The following WDR93 variants were observed in gnomAD, a reference collection of about 807,000 sequenced individuals.
WDR93 encodes the protein WD repeat-containing protein 93.
In WDR93, 73 loss-of-function variants were observed where a neutral mutation model predicts 82.9. The ratio of observed to expected loss-of-function variants is 0.88; its 90% CI spans 0.73 to 1.07. The LOEUF is 1.07. Ranked by LOEUF, WDR93 falls within the 50% of genes least tolerant of loss-of-function variation. WDR93 has a pLI of 0.00. For missense variants in WDR93, 738 were observed against 826.0 expected (o/e 0.89, Z 1.31); for synonymous variants, 283 against 300.1 (o/e 0.94, Z 0.59).
intron 2 of WDR93, 129 bp downstream of exon 2, chr15:89,702,178 T>A: frequency 9.4e-7 from 1 of 1,060,854 alleles, no homozygotes; most frequent in Non-Finnish European, 1.3e-6. Flanking sequence ...TTTGAAAGAT[T>A]AGAAGCATGC....
intron 5 of WDR93, among the ~76,000 whole-genome samples, chr15:89,713,468 G>A (rs1055371623): frequency 7.7e-6 from 1 of 129,174 alleles, no homozygotes; most frequent in Non-Finnish European, 1.7e-5. Flanking sequence ...AGGAACATAT[G>A]CATTTTATTT....
intron 16 of WDR93, among the ~76,000 whole-genome samples, chr15:89,740,378 A>G (rs1468517924): frequency 6.6e-6 from 1 of 152,198 alleles, no homozygotes; most frequent in Admixed American, 6.5e-5. Flanking sequence ...CAGGAGACGA[A>G]TATGGTCTCA....
chr15:89,696,555 T>C (rs150137423), intron 1 of WDR93, among the ~76,000 whole-genome samples: 2,393 of 152,204 alleles, frequency 0.016, 65 homozygotes, highest in African/African-American at 0.055. Context: ...AGTACAGTGG[T>C]GTGATCATGG....
intron 3 of WDR93, chr15:89,704,577 C>T (rs1023085968): frequency 6.6e-6 from 1 of 152,122 alleles, no homozygotes; most frequent in Non-Finnish European, 1.5e-5. Flanking sequence ...AATGCCTCCC[C>T]CTTTGTGCCT....
At position 89,733,096 on chromosome 15, in the gene WDR93, ATATG is replaced by A. The variant is rs747273174; in HGVS notation, c.1425_1428del (p.Met475IlefsTer6). The A allele has an allele frequency of 6.2e-7, 1 of 1,614,186 alleles. No individual in the cohort carries two copies. Among genetic ancestry groups the A allele is most frequent in the South Asian group, 1.1e-5 (1 of 91,080 alleles). On this transcript the variant is annotated frameshift_variant, in exon 13 of 17. Coordinates refer to ENST00000268130, the MANE Select transcript of WDR93 (RefSeq NM_020212.2). LOFTEE classifies it high-confidence loss of function. ...TATTTCTCGGTCCACAAAGGACAGA[ATATG>A]TATCCTGAAGGTCAAGTGAAATCCC...
Position 89,733,016 on chromosome 15 carries a change from T to C in WDR93, c.1341T>C (p.Leu447=). The change falls in exon 13 of 17, where the codon CTT becomes CTC. Residue 447 remains leucine (L), a synonymous_variant. Transcript: ENST00000268130. ...GATTACTTTCTCTAGGATTCCCTCT[T>C]GGGGTCGCTGCTCTTCCTCAGGGAT... ...TLWDLAKGFP[L]GVAALPQGCF... is the part of the protein sequence containing the mutation. The C allele has an allele frequency of 1.9e-6, 3 of 1,614,132 alleles. No homozygotes were observed. The African/African-American group carries it at 4.0e-5, about 22-fold the overall frequency.
intron 7 of WDR93, 113 bp from the exon 8 acceptor site, chr15:89,721,942 C>T: frequency 2.8e-6 from 2 of 705,364 alleles, no homozygotes; most frequent in South Asian, 1.8e-5. Context: ...TCTATTTGTC[C>T]TCTTATTTTT....
chr15:89,714,048 A>G (rs1222900753), intron 5 of WDR93, among the ~76,000 whole-genome samples: 1 of 152,204 alleles, frequency 6.6e-6, no homozygotes. Flanking sequence ...TGTTTCTTTG[A>G]CAAGATAAAG....
intron 6 of WDR93, 103 bp from the exon 7 acceptor site, chr15:89,716,808 C>A: frequency 1.2e-6 from 1 of 836,186 alleles, no homozygotes; most frequent in Non-Finnish European, 1.9e-6. Context: ...TGAATTCACT[C>A]ACAAGAGTAA....
chr15:89,733,346 A>G, intron 13 of WDR93, 127 bp downstream of exon 13: 1 of 860,758 alleles, frequency 1.2e-6, no homozygotes, highest in Non-Finnish European at 1.7e-6. Context: ...TCTCCTGGTG[A>G]GCTTCTGAAG....
In WDR93 at chr15:89,740,346, G is replaced by A. The variant is rs1382508971; in HGVS notation, c.1961+2110G>A. On this transcript the variant is annotated intron_variant, in intron 16 of 16. Transcript: ENST00000268130. The stretch of plus-strand genomic sequence containing the variant: ...CGCTGGGAGGCTCTCGGTACCTCCC[G>A]GAGGGAAATGTGCCTATTCGTCAGG... 6.6e-5 allele frequency among the ~76,000 whole-genome samples: 10 copies of A among 152,304 alleles called. No individual in the cohort carries two copies. The East Asian group carries it at 1.2e-3, about 18-fold the overall frequency.
chr15:89,702,799 A>C (rs1196239327), intron 2 of WDR93, 151 bp from the exon 3 acceptor site: 3 of 866,010 alleles, frequency 3.5e-6, no homozygotes. Flanking sequence ...TCGGCCTCCC[A>C]AAGTGCTGGG....
chr15:89,736,159 G>A (rs914431796), intron 14 of WDR93, among the ~76,000 whole-genome samples: 1 of 152,232 alleles, frequency 6.6e-6, no homozygotes, highest in Non-Finnish European at 1.5e-5. Context: ...CAGGGATGGA[G>A]AGTTGAGAGA....
At position 89,743,349 on chromosome 15, in the gene WDR93, G is replaced by C; in HGVS notation, c.2019G>C (p.Gln673His). 6.2e-7 allele frequency: 1 copy of C among 1,614,214 alleles called. No homozygotes were observed. Among genetic ancestry groups the C allele is most frequent in the Non-Finnish European group, 8.5e-7 (1 of 1,180,040 alleles). Reference protein sequence around the residue: ...EKEEEHWARLQRYSLSLQREN... With the variant: ...EKEEEHWARLHRYSLSLQREN... ...AGGAGGAGCACTGGGCCCGGCTTCA[G>C]AGGTACTCCTTGTCGCTCCAGAGAG... Residue 673 changes from glutamine to histidine, a missense_variant, in exon 17 of 17, where the codon CAG (glutamine) becomes CAC (histidine). Transcript: ENST00000268130.
In WDR93 at chr15:89,716,920, G is replaced by C. The variant is rs1290006638; in HGVS notation, c.766G>C (p.Gly256Arg). ...TCATTTTTCTTCTCAGAACTCCCTT[G>C]GTCCCATTTCTGCAGATCCTTTAGA... is the stretch of plus-strand genomic sequence containing the variant. Reference protein sequence around the residue: ...KVRQPQLNSLGPISADPLEMD... With the variant: ...KVRQPQLNSLRPISADPLEMD... The change falls in exon 7 of 17, where the codon GGT becomes CGT. Residue 256 changes from glycine (G) to arginine (R), a missense_variant. By Grantham distance (125) the Gly-to-Arg change is moderately radical. Transcript: ENST00000268130. 8 of 1,566,646 alleles carry C rather than the reference G, an allele frequency of 5.1e-6. No individual in the cohort carries two copies. In the Admixed American group the frequency reaches 9.2e-5, roughly 18 times the overall value.
intron 4 of WDR93, among the ~76,000 whole-genome samples, chr15:89,708,150 A>T (rs1253347142): frequency 6.6e-6 from 1 of 152,214 alleles, no homozygotes; most frequent in Non-Finnish European, 1.5e-5. Flanking sequence ...GCAGGAGGAA[A>T]CATTTGGAGG....
In WDR93 at chr15:89,729,032, C is replaced by T. The variant is rs961665377; in HGVS notation, c.1062C>T (p.Thr354=). 7 of 1,614,016 alleles carry T rather than the reference C, an allele frequency of 4.3e-6. No homozygotes were observed. Among genetic ancestry groups the T allele is most frequent in the Non-Finnish European group, 5.9e-6 (7 of 1,180,004 alleles). Residue 354 remains threonine, a synonymous_variant, in exon 10 of 17, where the codon ACC becomes ACT. Coordinates refer to ENST00000268130, the MANE Select transcript of WDR93 (RefSeq NM_020212.2). The part of the protein sequence containing the change: ...EWEEEPLSTA[T]FYFLLPSCLF... ...TGTCTTTCTTTCCCAGTACGGCCAC[C>T]TTCTATTTCCTTCTTCCTAGCTGCC... is the stretch of plus-strand genomic sequence containing the variant.
chr15:89,712,396 CTTTTTTTTTTTTT>C (rs1170109589), intron 5 of WDR93, among the ~76,000 whole-genome samples: 1 of 80,534 alleles, frequency 1.2e-5, no homozygotes, highest in Non-Finnish European at 2.2e-5. Context: ...TTCCACTAAT[CTTTTTTTTTTTTT>C]TTTTTTTTTT....
intron 16 of WDR93, among the ~76,000 whole-genome samples, chr15:89,739,802 C>A (rs1967510915): frequency 6.6e-6 from 1 of 152,180 alleles, no homozygotes; most frequent in Admixed American, 6.5e-5. Flanking sequence ...ACCATAATGT[C>A]TCTTCACGAC....
Sources: gnomAD v4.1 joint callset for allele counts (sites outside exome capture counted in the v4.1 genomes callset) on GRCh38, gnomAD v4.1.1 for gene constraint, MANE v1.5 for transcripts, NCBI Gene and HGNC (gene_info 2026-07-23, HGNC 2026-07-21) for gene names.